ASCC3: variants seen among roughly 807,000 people sequenced by gnomAD.
The protein encoded by ASCC3 is ASC-1 complex subunit P200.
In ASCC3, 158 loss-of-function variants were observed where a neutral mutation model predicts 256.3. That is an observed-to-expected ratio of 0.62 (90% CI 0.54 to 0.70). The LOEUF (loss-of-function observed/expected upper bound fraction) is 0.70, where lower values mean the gene tolerates loss of function less well. ASCC3 is among the 30% of genes least tolerant of loss of function. The pLI, the probability that ASCC3 is intolerant of heterozygous loss-of-function variation, is 0.00. For missense variants in ASCC3, 2,259 were observed against 2,626.0 expected, an observed-to-expected ratio of 0.86 and a Z score of 3.05; for synonymous variants, 948 against 883.4, an observed-to-expected ratio of 1.07 and a Z score of -1.30.
chr6:100,761,492 A>G (rs6905113), intron 10 of ASCC3, among the ~76,000 whole-genome samples: 83,487 of 152,006 alleles, frequency 0.55, 23,304 homozygotes, highest in South Asian at 0.75. Flanking sequence ...TTTCTCTAAA[A>G]AATAAAAATA....
chr6:100,557,234 A>G (rs193048965), intron 36 of ASCC3, among the ~76,000 whole-genome samples: 82 of 152,214 alleles, frequency 5.4e-4, no homozygotes, highest in Non-Finnish European at 1.1e-3. Flanking sequence ...TTTAAGGTGG[A>G]GGGTTAGGTC....
chr6:100,729,521 A>G (rs1779800097), intron 10 of ASCC3, among the ~76,000 whole-genome samples: 1 of 152,156 alleles, frequency 6.6e-6, no homozygotes, highest in Admixed American at 6.5e-5. Context: ...ATGGAGTCCT[A>G]AGGTTTTATT....
chr6:100,771,154 A>G (rs1281901202), intron 8 of ASCC3, among the ~76,000 whole-genome samples: 1 of 152,174 alleles, frequency 6.6e-6, no homozygotes, highest in Non-Finnish European at 1.5e-5. Context: ...GATTTTTGAC[A>G]AGGGCTGAAA....
At chr6:100,723,873 TA>T (rs1455344373) in intron 11 of ASCC3, among the ~76,000 whole-genome samples, 4 of 79,480 alleles carry the variant, frequency 5.0e-5, no homozygotes, top group Non-Finnish European at 1.1e-4. Context: ...TATATATATA[TA>T]TATATATATA....
At chr6:100,561,271 T>A (rs1313297182) in intron 36 of ASCC3, among the ~76,000 whole-genome samples, 1 of 152,158 alleles carries the variant, frequency 6.6e-6, no homozygotes, top group Non-Finnish European at 1.5e-5. Flanking sequence ...TCAGGACTTT[T>A]AAAGAGCCTT....
intron 4 of ASCC3, among the ~76,000 whole-genome samples, chr6:100,807,466 T>C (rs894217225): frequency 6.6e-6 from 1 of 151,746 alleles, no homozygotes; most frequent in African/African-American, 2.4e-5. Context: ...GTCCTAGAAG[T>C]CCCGGACACT....
At chr6:100,790,920 T>G (rs1769323228) in intron 8 of ASCC3, among the ~76,000 whole-genome samples, 1 of 151,920 alleles carries the variant, frequency 6.6e-6, no homozygotes, top group African/African-American at 2.4e-5. Context: ...ACTGCAATCC[T>G]GAAAAGGTTT....
At chr6:100,849,252 C>G (rs1026694956) in intron 3 of ASCC3, among the ~76,000 whole-genome samples, 10 of 152,134 alleles carry the variant, frequency 6.6e-5, no homozygotes, top group African/African-American at 2.2e-4. Context: ...AGTGCAGAAA[C>G]TACCTAGTAA....
At chr6:100,514,915 A>G (rs1773944655) in intron 39 of ASCC3, among the ~76,000 whole-genome samples, 1 of 152,184 alleles carries the variant, frequency 6.6e-6, no homozygotes, top group African/African-American at 2.4e-5. Context: ...ATAATTCAGG[A>G]TTTGTATGTT....
At chr6:100,845,512 T>C (rs1299633869) in intron 4 of ASCC3, among the ~76,000 whole-genome samples, 3 of 152,138 alleles carry the variant, frequency 2.0e-5, no homozygotes, top group African/African-American at 7.2e-5. Flanking sequence ...TGTAACCTTT[T>C]CAGTTCTTAG....
intron 37 of ASCC3, among the ~76,000 whole-genome samples, chr6:100,527,887 G>GT (rs1774663970): frequency 6.6e-6 from 1 of 150,896 alleles, no homozygotes; most frequent in Non-Finnish European, 1.5e-5. Context: ...CACCCAGGCT[G>GT]GAGTGCTGCA....
At chr6:100,672,889 T>C (rs1286249998) in intron 14 of ASCC3, among the ~76,000 whole-genome samples, 1 of 152,110 alleles carries the variant, frequency 6.6e-6, no homozygotes. Flanking sequence ...TACCCAATGA[T>C]CTATTAAAAT....
chr6:100,857,180 A>T (rs142862750), intron 3 of ASCC3: 131 of 152,200 alleles, frequency 8.6e-4, no homozygotes, highest in Middle Eastern at 3.4e-3. Flanking sequence ...AGCCCTTTTC[A>T]TGTTTACTGG....
chr6:100,617,454 G>C (rs1773725468), intron 30 of ASCC3, among the ~76,000 whole-genome samples: 1 of 152,132 alleles, frequency 6.6e-6, no homozygotes, highest in African/African-American at 2.4e-5. Flanking sequence ...ATATTGGGTG[G>C]AAGCTGACAG....
At chr6:100,516,875 GA>G (rs1323226162) in intron 38 of ASCC3, among the ~76,000 whole-genome samples, 1 of 151,950 alleles carries the variant, frequency 6.6e-6, no homozygotes, top group African/African-American at 2.4e-5. Context: ...AGAGTGCTGT[GA>G]AAACTGTATC....
chr6:100,535,455 C>G (rs1775111244), intron 37 of ASCC3, among the ~76,000 whole-genome samples: 1 of 145,334 alleles, frequency 6.9e-6, no homozygotes, highest in South Asian at 2.2e-4. Context: ...GAATATGAAG[C>G]TGGTTTTCGT....
At chr6:100,731,229 A>C (rs959074651) in intron 10 of ASCC3, among the ~76,000 whole-genome samples, 1 of 152,198 alleles carries the variant, frequency 6.6e-6, no homozygotes, top group East Asian at 1.9e-4. Flanking sequence ...ATGTAAAAAA[A>C]TACTTTCCAG....
At chr6:100,621,604 T>G (rs1330511180) in intron 30 of ASCC3, among the ~76,000 whole-genome samples, 3 of 152,112 alleles carry the variant, frequency 2.0e-5, no homozygotes, top group Non-Finnish European at 4.4e-5. Flanking sequence ...GCAGGCAAGG[T>G]TGTGGAGAAA....
intron 8 of ASCC3, among the ~76,000 whole-genome samples, chr6:100,796,051 T>A (rs1769595435): frequency 6.6e-6 from 1 of 152,142 alleles, no homozygotes; most frequent in African/African-American, 2.4e-5. Context: ...AAATGTATTA[T>A]TCCCCAGTTA....
Sources: gnomAD v4.1 joint callset for allele counts (sites outside exome capture counted in the v4.1 genomes callset) on GRCh38, gnomAD v4.1.1 for gene constraint, MANE v1.5 for transcripts, NCBI Gene and HGNC (gene_info 2026-07-23, HGNC 2026-07-21) for gene names.